Variants in ZNF564 observed in about 807,000 individuals in gnomAD.
ZNF564 encodes the protein zinc finger protein 564.
Under a neutral mutation model 10.5 loss-of-function variants are expected in ZNF564, and 5 were observed. That is an observed-to-expected ratio of 0.48 (90% confidence interval 0.25 to 1.00). The LOEUF is 1.00. Ranked by LOEUF, ZNF564 falls within the 50% of genes least tolerant of loss-of-function variation. The pLI is 0.16. For missense variants in ZNF564, 603 were observed against 669.7 expected (o/e 0.90, Z 1.10); for synonymous variants, 242 against 218.1 (o/e 1.11, Z -0.97).
chr19:12,526,899 G>C lies in ZNF564; in HGVS notation c.1209C>G (p.Asp403Glu). The C allele has an allele frequency of 6.2e-7, 1 of 1,613,942 alleles. No homozygotes were observed. The highest frequency in any genetic ancestry group is 8.5e-7 in the Non-Finnish European group (1 of 1,179,982). The change falls in exon 4 of 4, where the codon GAC becomes GAG. Residue 403 changes from aspartate (D) to glutamate (E), a missense_variant. Asp to Glu is a conservative substitution (Grantham distance 45, BLOSUM62 2). Transcript: ENST00000339282. ...YKCQVCGRAF[D>E]CPSSFQIHER... is the part of the protein sequence containing the mutation. ...CGTGTATTTGAAATGAACTGGGACA[G>C]TCAAAGGCTCTACCACATACCTGAC...
At chr19:12,548,938 C>T in intron 1 of ZNF564, 2 of 694,816 alleles carry the variant, frequency 2.9e-6, no homozygotes, top group Non-Finnish European at 5.2e-6. Context: ...TTCTCTGTAG[C>T]CATAATGGAA....
chr19:12,545,847 C>T (rs1269223674), intron 1 of ZNF564, among the ~76,000 whole-genome samples: 1 of 151,990 alleles, frequency 6.6e-6, no homozygotes, highest in East Asian at 1.9e-4. Flanking sequence ...AATTTTTACA[C>T]AACTCAATCT....
chr19:12,539,733 T>C (rs2022001548), intron 1 of ZNF564, among the ~76,000 whole-genome samples: 2 of 151,210 alleles, frequency 1.3e-5, no homozygotes, highest in South Asian at 4.2e-4. Flanking sequence ...CCAAGCACTT[T>C]GGGAGGCTGA....
intron 1 of ZNF564, 38 bp downstream of exon 1, chr19:12,551,292 C>T (rs2022255868): frequency 1.3e-6 from 2 of 1,599,174 alleles, no homozygotes; most frequent in Non-Finnish European, 1.7e-6. Flanking sequence ...CCACAAGCCC[C>T]TCCCCCAGTC....
chr19:12,535,300 G>C (rs534299783), intron 1 of ZNF564, among the ~76,000 whole-genome samples: 27 of 152,178 alleles, frequency 1.8e-4, no homozygotes, highest in Admixed American at 1.3e-3. Context: ...TTGAACCAAG[G>C]GGGCGGAGGT....
intron 1 of ZNF564, among the ~76,000 whole-genome samples, chr19:12,537,232 T>C (rs895612759): frequency 4.6e-5 from 7 of 152,352 alleles, no homozygotes; most frequent in Non-Finnish European, 8.8e-5. Context: ...CAGCCCTCCA[T>C]ACTTGGAGTT....
rs1231061809 is a variant in ZNF564 at position 12,527,030 on chromosome 19, T to C, written c.1078A>G (p.Thr360Ala). The C allele has an allele frequency of 7.4e-6, 12 of 1,614,008 alleles. 1 individual carries two copies. In the South Asian group the frequency reaches 7.7e-5, roughly 10 times the overall value. ...TTACATTCATAGGGCTTCTCTCCAGTGTGAGTCCTTTCATGTGTTCGAACA... is the reference window on the plus strand; with the variant it reads ...TTACATTCATAGGGCTTCTCTCCAGCGTGAGTCCTTTCATGTGTTCGAACA... ...SNVRTHERTH[T>A]GEKPYECKEC... The change falls in exon 4 of 4, where the codon ACT becomes GCT. Residue 360 changes from threonine to alanine, a missense_variant. Coordinates refer to ENST00000339282, the MANE Select transcript of ZNF564 (RefSeq NM_144976.4).
Position 12,528,568 on chromosome 19 carries a change from A to C in ZNF564, c.130+2T>G. On this transcript the variant is annotated splice_donor_variant, in intron 2 of 3. Transcript: ENST00000339282. LOFTEE classifies it high-confidence loss of function. ...TAAAAGAAGGAATGATGTCATCCTT[A>C]CCTACACAGGCCAGGTTTCTAAAGG... 1 of 1,612,356 alleles carries C rather than the reference A, an allele frequency of 6.2e-7. No homozygotes were observed. The highest frequency in any genetic ancestry group is 1.1e-5 in the South Asian group (1 of 90,738).
rs758540854 is a variant in ZNF564, at chr19:12,548,802, A to C, written c.3+2528T>G. ...GTCCCATCTGATAGGATTTAGCATTAATCACCAAAGTCCAGATGAAAGGAT... is the reference window on the plus strand; with the variant it reads ...GTCCCATCTGATAGGATTTAGCATTCATCACCAAAGTCCAGATGAAAGGAT... On this transcript the variant is annotated intron_variant, in intron 1 of 3. Transcript: ENST00000339282. 30 of 702,888 alleles carry C rather than the reference A, an allele frequency of 4.3e-5. 1 individual carries two copies. Among genetic ancestry groups the C allele is most frequent in the South Asian group, 3.1e-4 (21 of 67,594 alleles). 43.5% of individuals were successfully genotyped at this position (702,888 alleles called of 1,614,324 possible).
At chr19:12,533,727 C>CAAAAAAAAAAAAAAAAAAAA (rs59631972) in intron 1 of ZNF564, among the ~76,000 whole-genome samples, 5 of 29,172 alleles carry the variant, frequency 1.7e-4, no homozygotes, top group East Asian at 9.0e-4. Flanking sequence ...CTGCTGTCTC[C>CAAAAAAAAAAAAAAAAAAAA]AAAAAAAAAA....
At chr19:12,538,327 TA>T (rs879721194) in intron 1 of ZNF564, among the ~76,000 whole-genome samples, 234 of 144,610 alleles carry the variant, frequency 1.6e-3, no homozygotes, top group Non-Finnish European at 1.5e-3. Context: ...CTGTCTCTAT[TA>T]AAAAAAAAAA....
At position 12,527,190 on chromosome 19, in the gene ZNF564, A is replaced by G; in HGVS notation, c.918T>C (p.Asp306=). 2 of 1,614,194 alleles carry G rather than the reference A, an allele frequency of 1.2e-6. No homozygotes were observed. The highest frequency in any genetic ancestry group is 8.5e-7 in the Non-Finnish European group (1 of 1,180,030). ...CACATACTTTACATTTATAAGGTCCATCCCCAGTGTGCCTAATCATATGAC... is the reference window on the plus strand; with the variant it reads ...CACATACTTTACATTTATAAGGTCCGTCCCCAGTGTGCCTAATCATATGAC... ...FQSHMIRHTG[D]GPYKCKVCGR... is the part of the protein sequence containing the mutation. Residue 306 remains aspartate, a synonymous_variant, in exon 4 of 4, where the codon GAT becomes GAC. Coordinates refer to ENST00000339282, the MANE Select transcript of ZNF564 (RefSeq NM_144976.4).
At chr19:12,533,837 A>G (rs1385573290) in intron 1 of ZNF564, among the ~76,000 whole-genome samples, 3 of 151,544 alleles carry the variant, frequency 2.0e-5, no homozygotes, top group African/African-American at 7.3e-5. Context: ...AGACAGAATA[A>G]TTGGAGAAGT....
chr19:12,527,997 A>C lies in ZNF564; in HGVS notation c.192-81T>G, dbSNP rs2021725469. The C allele has an allele frequency of 7.6e-6, 11 of 1,450,134 alleles. No individual in the cohort carries two copies. In the East Asian group the frequency reaches 2.3e-4, roughly 30 times the overall value. The allele number at this position is 1,450,134 out of a possible 1,614,324, so 89.8% of individuals were successfully genotyped here. A position where few individuals can be genotyped will look rare whatever the true frequency, so the allele number is the denominator to read the frequency against. ...GTATTCGACTTACATTTTTACCATA[A>C]TCGCGGAAAGGGTAAGTTTTCAGGC... is the stretch of plus-strand genomic sequence containing the variant. On this transcript the variant is annotated intron_variant, in intron 3 of 3. Coordinates refer to ENST00000339282, the MANE Select transcript of ZNF564 (RefSeq NM_144976.4).
chr19:12,528,375 G>A lies in ZNF564; in HGVS notation c.131-11C>T. On this transcript the variant is annotated splice_polypyrimidine_tract_variant and intron_variant, in intron 2 of 3. Coordinates refer to ENST00000339282, the MANE Select transcript of ZNF564 (RefSeq NM_144976.4). ...CTTCCCATTTTTTTCCTAAAATATA[G>A]TCAGAAAAAATCCTTATGAACTGAT... 2 of 1,600,472 alleles carry A rather than the reference G, an allele frequency of 1.2e-6. No individual in the cohort carries two copies.
At chr19:12,538,280 A>G (rs534133769) in intron 1 of ZNF564, among the ~76,000 whole-genome samples, 2 of 152,196 alleles carry the variant, frequency 1.3e-5, no homozygotes, top group African/African-American at 4.8e-5. Context: ...CTTAATGCCA[A>G]GGAGTTTAAG....
At position 12,533,830 on chromosome 19, in the gene ZNF564, C is replaced by G. The variant is rs536918052; in HGVS notation, c.4-5134G>C. Among the ~76,000 whole-genome samples the G allele has an allele frequency of 3.1e-5, 4 of 127,904 alleles. No individual in the cohort carries two copies. The East Asian group carries it at 9.1e-4, about 29-fold the overall frequency. The allele number at this position is 127,904 out of a possible 152,430, so 83.9% of individuals were successfully genotyped here. On this transcript the variant is annotated intron_variant, in intron 1 of 3. Transcript: ENST00000339282. Reference sequence around the variant, plus strand: ...AAACCCAAGTAAGCAGACAGACAGACAGAATAATTGGAGAAGTCAATGAAA... The same window carrying G: ...AAACCCAAGTAAGCAGACAGACAGAGAGAATAATTGGAGAAGTCAATGAAA...
At position 12,527,705 on chromosome 19, in the gene ZNF564, C is replaced by T; in HGVS notation, c.403G>A (p.Glu135Lys). Reference protein sequence around the residue: ...HLGHKPYDYQEYGEKPYKCKQ... With the variant: ...HLGHKPYDYQKYGEKPYKCKQ... The stretch of plus-strand genomic sequence containing the variant: ...CATTTATATGGTTTCTCTCCATATT[C>T]CTGATAGTCATATGGTTTGTGTCCA... Residue 135 changes from glutamate to lysine, a missense_variant, in exon 4 of 4, where the codon GAA (glutamate) becomes AAA (lysine). Glu to Lys is a moderately conservative substitution (Grantham distance 56). Transcript: ENST00000339282. The T allele has an allele frequency of 3.1e-6, 5 of 1,614,102 alleles. No homozygotes were observed. Among genetic ancestry groups the T allele is most frequent in the Non-Finnish European group, 4.2e-6 (5 of 1,179,988 alleles).
In ZNF564 at chr19:12,527,837, T is replaced by C; in HGVS notation, c.271A>G (p.Asn91Asp). 6.2e-7 allele frequency: 1 copy of C among 1,614,180 alleles called. No individual in the cohort carries two copies. The highest frequency in any genetic ancestry group is 2.2e-5 in the East Asian group (1 of 44,882). Residue 91 changes from asparagine to aspartate, a missense_variant, in exon 4 of 4, where the codon AAT becomes GAT. By Grantham distance (23) the Asn-to-Asp change is conservative. Transcript: ENST00000339282. ...ATAGTAGGAATTTTCTTGTTCAGAT[T>C]AAGATTGAGAATCTGACTGAAGGCT... is the stretch of plus-strand genomic sequence containing the variant. ...GEAFSQILNL[N>D]LNKKIPTIVR...
Sources: allele counts gnomAD v4.1 joint callset (sites outside exome capture counted in the v4.1 genomes callset), GRCh38; gene constraint gnomAD v4.1.1; transcripts MANE v1.5; gene names NCBI Gene and HGNC (gene_info 2026-07-23, HGNC 2026-07-21).